Variants in AUTS2 observed in about 807,000 individuals in gnomAD.
The protein encoded by AUTS2 is autism susceptibility gene 2 protein.
Under a neutral mutation model 112.4 loss-of-function variants are expected in AUTS2, and 17 were observed. The ratio of observed to expected loss-of-function variants is 0.15; its 90% CI spans 0.10 to 0.23. AUTS2 has a LOEUF of 0.23. Ranked by LOEUF, AUTS2 falls within the 10% of genes least tolerant of loss-of-function variation. The pLI is 1.00. For synonymous variants in AUTS2, 751 were observed against 702.7 expected, an observed-to-expected ratio of 1.07 and a Z score of -1.09; for missense variants, 1,510 against 1,701.6, an observed-to-expected ratio of 0.89 and a Z score of 1.98.
intron 4 of AUTS2, among the ~76,000 whole-genome samples, chr7:70,186,383 ATCAT>A (rs1218505580): frequency 6.6e-6 from 1 of 152,104 alleles, no homozygotes; most frequent in East Asian, 1.9e-4. Context: ...TTAAGATAAC[ATCAT>A]TTTACTCACG....
At chr7:70,775,465 G>C in intron 13 of AUTS2, 79 bp downstream of exon 13, 1 of 1,116,398 alleles carries the variant, frequency 9.0e-7, no homozygotes, top group South Asian at 1.4e-5. Flanking sequence ...CTATTACAAG[G>C]AAATAAGCCA....
At chr7:70,271,240 C>T (rs1039110267) in intron 4 of AUTS2, among the ~76,000 whole-genome samples, 2 of 152,050 alleles carry the variant, frequency 1.3e-5, no homozygotes, top group African/African-American at 4.8e-5. Flanking sequence ...TATAAAATGG[C>T]ATTAAATAGA....
At chr7:70,625,350 C>T (rs1390207134) in intron 5 of AUTS2, among the ~76,000 whole-genome samples, 2 of 152,060 alleles carry the variant, frequency 1.3e-5, no homozygotes, top group African/African-American at 2.4e-5. Context: ...AGTTATTTCC[C>T]GACTTACAGC....
chr7:69,874,702 A>G (rs1429014148), intron 1 of AUTS2, among the ~76,000 whole-genome samples: 6 of 152,050 alleles, frequency 3.9e-5, no homozygotes, highest in Admixed American at 3.9e-4. Context: ...TCTGTCACCC[A>G]GGCTGGAGTG....
chr7:70,558,377 C>T (rs1419769204), intron 5 of AUTS2, among the ~76,000 whole-genome samples: 1 of 152,112 alleles, frequency 6.6e-6, no homozygotes, highest in Non-Finnish European at 1.5e-5. Flanking sequence ...TGTGTACTTC[C>T]TTACTAGCAG....
intron 2 of AUTS2, among the ~76,000 whole-genome samples, chr7:70,012,010 TAGGC>T (rs1345651400): frequency 6.6e-6 from 1 of 152,162 alleles, no homozygotes; most frequent in African/African-American, 2.4e-5. Flanking sequence ...TTTCTCCCCT[TAGGC>T]CTGCCATTCA....
chr7:70,664,848 T>G (rs568058951), intron 5 of AUTS2, among the ~76,000 whole-genome samples: 1 of 151,680 alleles, frequency 6.6e-6, no homozygotes, highest in Non-Finnish European at 1.5e-5. Context: ...AGCTGGGAGG[T>G]TTGCTTGAGG....
intron 2 of AUTS2, among the ~76,000 whole-genome samples, chr7:70,049,686 T>C (rs1052735482): frequency 6.6e-6 from 1 of 152,066 alleles, no homozygotes. Flanking sequence ...ATTTTTAGGT[T>C]TTAAATTGTC....
intron 2 of AUTS2, among the ~76,000 whole-genome samples, chr7:70,103,541 A>G: frequency 6.6e-6 from 1 of 152,176 alleles, no homozygotes; most frequent in Non-Finnish European, 1.5e-5. Flanking sequence ...AAGGGGATAC[A>G]TTAAAATTTA....
At chr7:70,153,127 A>G (rs1327367300) in intron 4 of AUTS2, among the ~76,000 whole-genome samples, 2 of 152,224 alleles carry the variant, frequency 1.3e-5, no homozygotes, top group Non-Finnish European at 2.9e-5. Flanking sequence ...ATGAATGTTC[A>G]TAGTAGCTTT....
intron 1 of AUTS2, among the ~76,000 whole-genome samples, chr7:69,614,368 T>TTTTC (rs1793239736): frequency 5.1e-5 from 1 of 19,532 alleles, no homozygotes; most frequent in African/African-American, 1.9e-4. Context: ...TTCTTTCTTT[T>TTTTC]TTTAAGAGAT....
At chr7:70,257,478 G>A (rs1019819790) in intron 4 of AUTS2, among the ~76,000 whole-genome samples, 17 of 151,966 alleles carry the variant, frequency 1.1e-4, no homozygotes, top group African/African-American at 3.4e-4. Context: ...CTACCATGCC[G>A]AGCTAATTTT....
intron 2 of AUTS2, among the ~76,000 whole-genome samples, chr7:69,921,327 G>GTTTTTTTTT (rs11289784): frequency 3.3e-5 from 3 of 90,404 alleles, no homozygotes; most frequent in Non-Finnish European, 4.3e-5. Flanking sequence ...TAGACTTGAA[G>GTTTTTTTTT]TTTTTTTTTT....
At chr7:69,663,207 T>C (rs1469265297) in intron 1 of AUTS2, 6 of 152,222 alleles carry the variant, frequency 3.9e-5, no homozygotes, top group Non-Finnish European at 8.8e-5. Context: ...TCTGTTACAT[T>C]AATGAGGGAA....
At chr7:69,994,569 G>C (rs1318103686) in intron 2 of AUTS2, among the ~76,000 whole-genome samples, 1 of 152,100 alleles carries the variant, frequency 6.6e-6, no homozygotes, top group Non-Finnish European at 1.5e-5. Context: ...TTTTGATTAG[G>C]CATTTTTCTT....
chr7:69,858,442 C>T (rs898793969), intron 1 of AUTS2, among the ~76,000 whole-genome samples: 2 of 152,168 alleles, frequency 1.3e-5, no homozygotes, highest in Non-Finnish European at 2.9e-5. Flanking sequence ...TCACTTTCTC[C>T]TGGTCCTCCT....
At chr7:70,579,359 T>C (rs1308331754) in intron 5 of AUTS2, among the ~76,000 whole-genome samples, 1 of 151,624 alleles carries the variant, frequency 6.6e-6, no homozygotes, top group Non-Finnish European at 1.5e-5. Context: ...CTTAATCCTT[T>C]CAAATAATAA....
chr7:70,665,192 A>G (rs1807266779), intron 5 of AUTS2, among the ~76,000 whole-genome samples: 1 of 152,192 alleles, frequency 6.6e-6, no homozygotes, highest in Non-Finnish European at 1.5e-5. Flanking sequence ...TTATAAGGCT[A>G]CAGGGCACCA....
At chr7:70,764,500 G>A (rs1585649074) in intron 7 of AUTS2, among the ~76,000 whole-genome samples, 1 of 152,114 alleles carries the variant, frequency 6.6e-6, no homozygotes, top group Non-Finnish European at 1.5e-5. Flanking sequence ...GGCAGAATGA[G>A]CTGTCTCGAC....
Sources: allele counts gnomAD v4.1 joint callset (sites outside exome capture counted in the v4.1 genomes callset), GRCh38; gene constraint gnomAD v4.1.1; transcripts MANE v1.5; gene names NCBI Gene and HGNC (gene_info 2026-07-23, HGNC 2026-07-21).